The following SPAG16 variants were observed in gnomAD, a reference collection of about 807,000 sequenced individuals.
SPAG16 encodes the protein sperm-associated antigen 16 protein.
SPAG16 carries 86 observed loss-of-function variants against 80.4 expected under a neutral mutation model. The ratio of observed to expected loss-of-function variants is 1.07; its 90% confidence interval spans 0.90 to 1.28. SPAG16 has a LOEUF of 1.28. Among genes scored for constraint, SPAG16 ranks in the 50% most tolerant of loss-of-function variants. The pLI, the probability that SPAG16 is intolerant of heterozygous loss-of-function variation, is 0.00. For missense variants in SPAG16, 870 were observed against 765.3 expected (o/e 1.14, Z -1.61); for synonymous variants, 294 against 265.9 (o/e 1.11, Z -1.03).
rs971988974 is a variant in SPAG16 at position 213,311,227 on chromosome 2, T to A, written c.398+1050T>A. Among the ~76,000 whole-genome samples, 9 of 151,690 alleles carry A rather than the reference T, an allele frequency of 5.9e-5. No individual in the cohort carries two copies. In the South Asian group the frequency reaches 6.2e-4, roughly 10 times the overall value. On this transcript the variant is annotated intron_variant, in intron 4 of 15. Transcript: ENST00000331683. ...AATAGTGTGAATTATTTAAAATAAT[T>A]TTTTATAAAAATATCCCTAAGAAAT...
At chr2:213,976,217 C>T (rs186437416) in intron 12 of SPAG16, among the ~76,000 whole-genome samples, 150 of 148,558 alleles carry the variant, frequency 1.0e-3, no homozygotes, top group African/African-American at 3.5e-3. Context: ...TACATATGTA[C>T]GCATATACAT....
chr2:214,067,553 G>A (rs528009287), intron 13 of SPAG16, among the ~76,000 whole-genome samples: 52 of 151,268 alleles, frequency 3.4e-4, no homozygotes, highest in Admixed American at 1.8e-3. Flanking sequence ...TTACTATTGC[G>A]TACACTTATA....
chr2:213,730,760 A>C (rs1379873236), intron 10 of SPAG16, among the ~76,000 whole-genome samples: 2 of 151,412 alleles, frequency 1.3e-5, no homozygotes, highest in African/African-American at 4.9e-5. Context: ...ATGTTCTCCT[A>C]CTCTGTTCTC....
intron 12 of SPAG16, among the ~76,000 whole-genome samples, chr2:213,943,441 A>G (rs2079299888): frequency 6.6e-6 from 1 of 152,220 alleles, no homozygotes; most frequent in African/African-American, 2.4e-5. Flanking sequence ...AATATGGACA[A>G]TAAAGGCCGT....
intron 11 of SPAG16, among the ~76,000 whole-genome samples, chr2:213,892,712 T>A (rs1274781215): frequency 1.3e-5 from 2 of 151,992 alleles, no homozygotes; most frequent in Non-Finnish European, 2.9e-5. Context: ...ACCACGCAGA[T>A]GAAAGAGTCA....
At chr2:213,868,113 T>C (rs2075778226) in intron 11 of SPAG16, among the ~76,000 whole-genome samples, 1 of 151,970 alleles carries the variant, frequency 6.6e-6, no homozygotes, top group African/African-American at 2.4e-5. Context: ...CAGTAAATGA[T>C]TAAGATAGTT....
chr2:213,558,372 CT>C (rs772066994), intron 10 of SPAG16, among the ~76,000 whole-genome samples: 3 of 151,882 alleles, frequency 2.0e-5, no homozygotes, highest in African/African-American at 7.2e-5. Context: ...AAGTTGGAAG[CT>C]TTTTATTCCA....
At chr2:213,531,058 T>A (rs1348971337) in intron 10 of SPAG16, among the ~76,000 whole-genome samples, 1 of 152,222 alleles carries the variant, frequency 6.6e-6, no homozygotes, top group Non-Finnish European at 1.5e-5. Context: ...CTTTTATTGC[T>A]GGTTTTCACA....
At chr2:213,861,901 C>A (rs899261295) in intron 10 of SPAG16, among the ~76,000 whole-genome samples, 1 of 152,070 alleles carries the variant, frequency 6.6e-6, no homozygotes. Context: ...AATTTGTGTA[C>A]TGTGCATTGA....
At chr2:213,502,072 T>A (rs1052913195) in intron 10 of SPAG16, among the ~76,000 whole-genome samples, 56 of 152,304 alleles carry the variant, frequency 3.7e-4, no homozygotes, top group African/African-American at 1.3e-3. Flanking sequence ...TATTCTGGAA[T>A]AGGACATAGT....
chr2:213,313,245 A>G (rs2063271295), intron 4 of SPAG16, among the ~76,000 whole-genome samples: 1 of 151,896 alleles, frequency 6.6e-6, no homozygotes, highest in Non-Finnish European at 1.5e-5. Context: ...ATATTAAGAG[A>G]GCAGCCATTT....
chr2:213,711,488 C>T (rs2065983589), intron 10 of SPAG16, among the ~76,000 whole-genome samples: 2 of 135,988 alleles, frequency 1.5e-5, no homozygotes, highest in Non-Finnish European at 3.3e-5. Flanking sequence ...ATATTTTTGC[C>T]TATAATAATT....
chr2:213,981,392 T>G (rs2106417245), intron 12 of SPAG16, among the ~76,000 whole-genome samples: 1 of 151,992 alleles, frequency 6.6e-6, no homozygotes, highest in South Asian at 2.1e-4. Flanking sequence ...CCAATGGGGG[T>G]TTTGTTTCTT....
intron 10 of SPAG16, among the ~76,000 whole-genome samples, chr2:213,630,843 G>T (rs781239977): frequency 1.3e-5 from 2 of 152,060 alleles, no homozygotes; most frequent in South Asian, 2.1e-4. Flanking sequence ...GATAGGCAAC[G>T]GTCTACCTGG....
intron 12 of SPAG16, among the ~76,000 whole-genome samples, chr2:214,010,924 A>G (rs1247742855): frequency 6.9e-6 from 1 of 145,948 alleles, no homozygotes; most frequent in African/African-American, 2.7e-5. Flanking sequence ...TTTTCACTAT[A>G]CTTTTTATAA....
intron 9 of SPAG16, among the ~76,000 whole-genome samples, chr2:213,388,002 T>C (rs2067539429): frequency 6.6e-6 from 1 of 152,292 alleles, no homozygotes; most frequent in South Asian, 2.1e-4. Flanking sequence ...CTGTCTGATA[T>C]AATGATTTGG....
At chr2:213,912,749 G>T (rs1183638109) in intron 11 of SPAG16, among the ~76,000 whole-genome samples, 4 of 152,114 alleles carry the variant, frequency 2.6e-5, no homozygotes, top group Non-Finnish European at 5.9e-5. Context: ...AGTTGCTCTA[G>T]CAGACCTGAA....
chr2:214,027,943 T>C (rs918645805), intron 13 of SPAG16, among the ~76,000 whole-genome samples: 1 of 151,960 alleles, frequency 6.6e-6, no homozygotes. Flanking sequence ...AGGTATAATA[T>C]ATGACTAAGT....
chr2:214,256,335 T>C (rs183497734), intron 15 of SPAG16, among the ~76,000 whole-genome samples: 6 of 152,032 alleles, frequency 3.9e-5, no homozygotes, highest in Non-Finnish European at 5.9e-5. Context: ...TAGTTATTTA[T>C]TGTAGACATC....
Sources: gnomAD v4.1 joint callset for allele counts (sites outside exome capture counted in the v4.1 genomes callset) on GRCh38, gnomAD v4.1.1 for gene constraint, MANE v1.5 for transcripts, NCBI Gene and HGNC (gene_info 2026-07-23, HGNC 2026-07-21) for gene names.